MTUS1: variants seen among roughly 807,000 people sequenced by gnomAD.
MTUS1 encodes the protein microtubule-associated tumor suppressor 1.
MTUS1 carries 109 observed loss-of-function variants against 120.8 expected under a neutral mutation model. The observed-to-expected ratio is 0.90, with a 90% CI of 0.77 to 1.06. The LOEUF is 1.06. Among genes scored for constraint, MTUS1 ranks in the 50% least tolerant of loss-of-function variants. The probability of loss-of-function intolerance (pLI) is 0.00; values close to 1 mark genes in which losing one functional copy is unlikely to be tolerated. For missense variants in MTUS1, 2,210 were observed against 1,486.3 expected (o/e 1.49, Z -8.01); for synonymous variants, 737 against 550.5 (o/e 1.34, Z -4.74).
chr8:17,654,389 GGGAAAAGGCATCTGTTAAC>G, intron 10 of MTUS1, 153 bp downstream of exon 10: 1 of 596,454 alleles, frequency 1.7e-6, no homozygotes, highest in South Asian at 2.1e-5. Context: ...CATCCTTAGT[GGGAAAAGGCATCTGTTAAC>G]AATAAACCAC....
chr8:17,780,040 G>T lies in MTUS1; in HGVS notation c.-155+21021C>A, dbSNP rs115463072. 6.1e-3 allele frequency among the ~76,000 whole-genome samples: 928 copies of T among 152,266 alleles called. 10 individuals are homozygous for T. The highest frequency in any genetic ancestry group is 0.022 in the African/African-American group (895 of 41,536). On this transcript the variant is annotated intron_variant, in intron 1 of 14. Transcript: ENST00000693296. ...CAGTGGTTGAGGTGGGGCCTGGTGG[G>T]AGATGACTGGGTTATGGGGGTGGAT...
intron 12 of MTUS1, among the ~76,000 whole-genome samples, chr8:17,650,520 G>GAGT (rs1806757609): frequency 6.6e-6 from 1 of 152,132 alleles, no homozygotes; most frequent in Non-Finnish European, 1.5e-5. Flanking sequence ...ACACGGCATG[G>GAGT]AGTACACAGC....
At position 17,644,396 on chromosome 8, in the gene MTUS1, T is replaced by C. The variant is rs1323957620; in HGVS notation, c.*1530A>G. 6.6e-6 allele frequency: 1 copy of C among 152,620 alleles called. No homozygotes were observed. The highest frequency in any genetic ancestry group is 1.5e-5 in the Non-Finnish European group (1 of 68,032). 9.5% of individuals were successfully genotyped at this position (152,620 alleles called of 1,614,324 possible). A position where few individuals can be genotyped will look rare whatever the true frequency, so the allele number is the denominator to read the frequency against. ...AGCTGTTATTTGTACAGCCACTGAATGTAGATTAGTAAATACTGACATCAC... is the reference window on the plus strand; with the variant it reads ...AGCTGTTATTTGTACAGCCACTGAACGTAGATTAGTAAATACTGACATCAC... On this transcript the variant is annotated 3_prime_UTR_variant, in exon 15 of 15. Coordinates refer to ENST00000693296, the MANE Select transcript of MTUS1 (RefSeq NM_001363059.2).
chr8:17,711,806 C>T (rs1821350122), intron 6 of MTUS1, among the ~76,000 whole-genome samples: 1 of 152,168 alleles, frequency 6.6e-6, no homozygotes, highest in Non-Finnish European at 1.5e-5. Context: ...TGCAACTTTT[C>T]TTTCACTTGA....
At chr8:17,734,315 G>A (rs2046787385) in intron 3 of MTUS1, 2 of 152,182 alleles carry the variant, frequency 1.3e-5, no homozygotes, top group East Asian at 3.9e-4. Flanking sequence ...ACCTTCTTGA[G>A]TTCATCAAGG....
upstream of MTUS1, among the ~76,000 whole-genome samples, chr8:17,801,173 C>T (rs28377537): frequency 0.027 from 4,049 of 151,672 alleles, 195 homozygotes; most frequent in African/African-American, 0.093. Context: ...TCGGGGGCGG[C>T]GTCTGCACCT....
intron 13 of MTUS1, among the ~76,000 whole-genome samples, chr8:17,647,613 C>G (rs189755035): frequency 6.6e-6 from 1 of 152,176 alleles, no homozygotes; most frequent in African/African-American, 2.4e-5. Context: ...TTCGATAGAG[C>G]TCTTAGAGCA....
chr8:17,688,349 A>G (rs777357803), intron 6 of MTUS1, among the ~76,000 whole-genome samples: 12 of 152,230 alleles, frequency 7.9e-5, no homozygotes, highest in Non-Finnish European at 1.6e-4. Flanking sequence ...AAGACACCAA[A>G]GATCTCTGCT....
At chr8:17,762,781 G>GA (rs2049143060) in intron 1 of MTUS1, among the ~76,000 whole-genome samples, 1 of 144,060 alleles carries the variant, frequency 6.9e-6, no homozygotes, top group Non-Finnish European at 1.5e-5. Context: ...AATCAACTGG[G>GA]CCTTTGGTTG....
intron 3 of MTUS1, among the ~76,000 whole-genome samples, chr8:17,742,143 T>C (rs1306382155): frequency 6.6e-6 from 1 of 152,020 alleles, no homozygotes; most frequent in East Asian, 1.9e-4. Context: ...CAGGTTGGAG[T>C]ACAGTGGCAT....
At chr8:17,662,682 A>AT (rs1386216309) in intron 8 of MTUS1, among the ~76,000 whole-genome samples, 1 of 151,844 alleles carries the variant, frequency 6.6e-6, no homozygotes, top group Non-Finnish European at 1.5e-5. Flanking sequence ...CCATTAGTCT[A>AT]TTTTTTAAAA....
intron 1 of MTUS1, among the ~76,000 whole-genome samples, chr8:17,787,136 C>T (rs1229897028): frequency 3.9e-5 from 6 of 152,112 alleles, no homozygotes; most frequent in South Asian, 2.1e-4. Context: ...GAGGGGCCAC[C>T]GCTCCCTGAC....
intron 2 of MTUS1, among the ~76,000 whole-genome samples, chr8:17,746,485 G>T (rs769740277): frequency 4.6e-5 from 7 of 152,132 alleles, no homozygotes; most frequent in Non-Finnish European, 7.3e-5. Flanking sequence ...GAAGGTGAAA[G>T]GTTCATCTTA....
At chr8:17,686,174 TC>T (rs1400723934) in intron 6 of MTUS1, among the ~76,000 whole-genome samples, 13 of 152,240 alleles carry the variant, frequency 8.5e-5, no homozygotes, top group Admixed American at 8.5e-4. Context: ...GGTGTGAATG[TC>T]TTCCCTGGAT....
At position 17,706,785 on chromosome 8, in the gene MTUS1, A is replaced by C. The variant is rs185661740; in HGVS notation, c.2623+6429T>G. ...ATACAGAAGCACCCTAAATATTCAA[A>C]AGTAGTTAAATGTTACTGTATCTGC... is the stretch of plus-strand genomic sequence containing the variant. On this transcript the variant is annotated intron_variant, in intron 6 of 14. Coordinates refer to ENST00000693296, the MANE Select transcript of MTUS1 (RefSeq NM_001363059.2). Among the ~76,000 whole-genome samples, 457 of 152,346 alleles carry C rather than the reference A, an allele frequency of 3.0e-3. 2 individuals are homozygous for C. The highest frequency in any genetic ancestry group is 6.8e-3 in the Middle Eastern group (2 of 294).
intron 6 of MTUS1, among the ~76,000 whole-genome samples, chr8:17,690,279 A>G (rs1816691943): frequency 6.6e-6 from 1 of 152,244 alleles, no homozygotes; most frequent in Non-Finnish European, 1.5e-5. Flanking sequence ...GAACATACGA[A>G]AAAATGCTCA....
chr8:17,738,620 T>C lies in MTUS1; in HGVS notation c.2287+4984A>G, dbSNP rs201720140. Among the ~76,000 whole-genome samples the C allele has an allele frequency of 2.0e-5, 3 of 152,326 alleles. No individual in the cohort carries two copies. In the South Asian group the frequency reaches 6.2e-4, roughly 32 times the overall value. The stretch of plus-strand genomic sequence containing the variant: ...GTGCAGGCTGTGCAGGTTTGTTACA[T>C]AGGTAAACATGGGCCATGGTGGTTG... On this transcript the variant is annotated intron_variant, in intron 3 of 14. Coordinates refer to ENST00000693296, the MANE Select transcript of MTUS1 (RefSeq NM_001363059.2).
chr8:17,720,813 T>C (rs1174659062), intron 4 of MTUS1, among the ~76,000 whole-genome samples: 1 of 152,204 alleles, frequency 6.6e-6, no homozygotes, highest in African/African-American at 2.4e-5. Flanking sequence ...TTAACCTCTA[T>C]AAATGAGCAC....
rs774202420 is a variant in MTUS1, at chr8:17,755,761, G to C, written c.47C>G (p.Thr16Ser). 3.7e-6 allele frequency: 6 copies of C among 1,613,756 alleles called. No individual in the cohort carries two copies. Among genetic ancestry groups the C allele is most frequent in the Non-Finnish European group, 5.1e-6 (6 of 1,179,900 alleles). Residue 16 changes from threonine (T) to serine (S), a missense_variant, in exon 2 of 15, where the codon ACC becomes AGC. Physicochemically the swap from Thr to Ser is moderately conservative, Grantham distance 58. Coordinates refer to ENST00000693296, the MANE Select transcript of MTUS1 (RefSeq NM_001363059.2). ...TCCATCTTTATCACTGGTAAAGAAGGTTTGCAATTCATCTTCTATTTTATC... is the reference window on the plus strand; with the variant it reads ...TCCATCTTTATCACTGGTAAAGAAGCTTTGCAATTCATCTTCTATTTTATC... ...SDDKIEDELQ[T>S]FFTSDKDGNT...
Sources: gnomAD v4.1 joint callset for allele counts (sites outside exome capture counted in the v4.1 genomes callset) on GRCh38, gnomAD v4.1.1 for gene constraint, MANE v1.5 for transcripts, NCBI Gene and HGNC (gene_info 2026-07-23, HGNC 2026-07-21) for gene names.